The following SEMA3A variants were observed in gnomAD, a reference collection of about 807,000 sequenced individuals.
SEMA3A encodes semaphorin 3A.
In SEMA3A, 29 loss-of-function variants were observed where a neutral mutation model predicts 97.9. The observed-to-expected ratio is 0.30, with a 90% CI of 0.22 to 0.40. SEMA3A has a LOEUF of 0.40. Among genes scored for constraint, SEMA3A ranks in the 10% least tolerant of loss-of-function variants. SEMA3A has a pLI of 1.00. For missense variants in SEMA3A, 763 were observed against 951.3 expected, an observed-to-expected ratio of 0.80 and a Z score of 2.60; for synonymous variants, 321 against 323.7, an observed-to-expected ratio of 0.99 and a Z score of 0.09.
chr7:84,123,980 T>C (rs900578338), intron 3 of SEMA3A, among the ~76,000 whole-genome samples: 1 of 152,066 alleles, frequency 6.6e-6, no homozygotes. Context: ...AGAGTAATGA[T>C]GAGTTATATT....
intron 4 of SEMA3A, among the ~76,000 whole-genome samples, chr7:84,094,593 C>T (rs538544569): frequency 1.3e-5 from 2 of 152,092 alleles, no homozygotes; most frequent in East Asian, 3.9e-4. Context: ...GGAACTGCAG[C>T]TATGGCATTC....
intron 1 of SEMA3A, among the ~76,000 whole-genome samples, chr7:84,425,870 A>ACG (rs752038789): frequency 8.2e-6 from 1 of 122,018 alleles, no homozygotes; most frequent in Non-Finnish European, 1.7e-5. Context: ...ACACACACAC[A>ACG]CACACACCCA....
At chr7:84,437,597 G>A (rs1216808118) in intron 1 of SEMA3A, among the ~76,000 whole-genome samples, 3 of 148,374 alleles carry the variant, frequency 2.0e-5, no homozygotes, top group East Asian at 3.9e-4. Flanking sequence ...AGAGGAAAAA[G>A]CTGCTTTAAA....
At chr7:84,026,007 T>C (rs1203308462) in intron 6 of SEMA3A, among the ~76,000 whole-genome samples, 3 of 152,208 alleles carry the variant, frequency 2.0e-5, no homozygotes, top group Non-Finnish European at 4.4e-5. Flanking sequence ...TAATCATTAA[T>C]CAAGAGAATA....
chr7:84,457,546 G>T (rs1805715117), intron 1 of SEMA3A, among the ~76,000 whole-genome samples: 1 of 151,726 alleles, frequency 6.6e-6, no homozygotes. Context: ...TTGATGTTTT[G>T]GCCCAGTGAA....
chr7:84,196,847 A>T (rs1798243959), upstream of SEMA3A, among the ~76,000 whole-genome samples: 1 of 152,116 alleles, frequency 6.6e-6, no homozygotes. Context: ...TCATTAGTAT[A>T]TATTTTATAT....
At chr7:84,141,145 G>A (rs541929557) in intron 1 of SEMA3A, among the ~76,000 whole-genome samples, 17 of 152,210 alleles carry the variant, frequency 1.1e-4, no homozygotes, top group African/African-American at 3.4e-4. Flanking sequence ...TTGTCATTGC[G>A]TAGATGGGGC....
At chr7:84,256,267 C>G (rs915127286) in intron 3 of SEMA3A, among the ~76,000 whole-genome samples, 5 of 151,980 alleles carry the variant, frequency 3.3e-5, no homozygotes, top group African/African-American at 1.2e-4. Flanking sequence ...TATAGATGTA[C>G]TATATATCCT....
intron 6 of SEMA3A, among the ~76,000 whole-genome samples, chr7:84,029,838 C>CACAT (rs1554397098): frequency 0.03 from 4,521 of 151,026 alleles, 100 homozygotes; most frequent in Admixed American, 0.071. Flanking sequence ...CACACACACA[C>CACAT]ATTTTAGAAA....
intron 3 of SEMA3A, among the ~76,000 whole-genome samples, chr7:84,285,125 T>A (rs142865905): frequency 1.5e-4 from 23 of 152,254 alleles, no homozygotes; most frequent in African/African-American, 3.9e-4. Flanking sequence ...CTTAAACATT[T>A]TTCTCCCATT....
chr7:84,313,355 T>C lies in SEMA3A; in HGVS notation c.-168-6063A>G, dbSNP rs1801402322. ...ATATATATATATGTATATGTGTGTG[T>C]GTATATATATATATATATATATATA... On this transcript the variant is annotated intron_variant, in intron 2 of 3. Coordinates refer to the SEMA3A transcript ENST00000424555. Among the ~76,000 whole-genome samples the C allele has an allele frequency of 2.7e-4, 4 of 14,880 alleles. 1 individual carries two copies. Among genetic ancestry groups the C allele is most frequent in the African/African-American group, 5.6e-4 (4 of 7,152 alleles). 9.8% of individuals were successfully genotyped at this position (14,880 alleles called of 152,430 possible). A position where few individuals can be genotyped will look rare whatever the true frequency, so the allele number is the denominator to read the frequency against.
At chr7:84,429,516 T>TATATATATATATATATATATATA (rs1554385262) in intron 1 of SEMA3A, among the ~76,000 whole-genome samples, 2 of 72,390 alleles carry the variant, frequency 2.8e-5, no homozygotes, top group African/African-American at 1.4e-4. Flanking sequence ...ATAGAGTTTG[T>TATATATATATATATATATATATA]TATATATATA....
At chr7:84,325,641 CAGG>C (rs1397030595) in intron 2 of SEMA3A, among the ~76,000 whole-genome samples, 1 of 151,516 alleles carries the variant, frequency 6.6e-6, no homozygotes, top group Non-Finnish European at 1.5e-5. Flanking sequence ...ATAGGCAGGC[CAGG>C]AGGAACCTTG....
At chr7:84,161,551 T>C (rs922289159) in intron 1 of SEMA3A, among the ~76,000 whole-genome samples, 1 of 152,100 alleles carries the variant, frequency 6.6e-6, no homozygotes, top group Non-Finnish European at 1.5e-5. Flanking sequence ...ATAAAAGTAG[T>C]TGGCAAGCTC....
At position 84,296,554 on chromosome 7, in the gene SEMA3A, C is replaced by G. The variant is rs75287214; in HGVS notation, c.-83+10653G>C. On this transcript the variant is annotated intron_variant, in intron 3 of 3. Coordinates refer to the SEMA3A transcript ENST00000424555. ...GAGTAGTGTTGCTTTACAGGGGCTT[C>G]TTTACCACTTAAAAAAGAAATTTGG... Among the ~76,000 whole-genome samples, 855 of 152,158 alleles carry G rather than the reference C, an allele frequency of 5.6e-3. 36 individuals carry two copies. In the East Asian group the frequency reaches 0.11, roughly 19 times the overall value.
intron 3 of SEMA3A, among the ~76,000 whole-genome samples, chr7:84,241,582 T>C (rs1799365896): frequency 6.6e-6 from 1 of 152,144 alleles, no homozygotes; most frequent in African/African-American, 2.4e-5. Flanking sequence ...GATAGTTTTT[T>C]TGTTTGTGTT....
chr7:84,143,862 T>A (rs1405461285), intron 1 of SEMA3A, among the ~76,000 whole-genome samples: 4 of 150,504 alleles, frequency 2.7e-5, no homozygotes, highest in Non-Finnish European at 5.9e-5. Flanking sequence ...GCCATGGTCA[T>A]CATCATTATT....
chr7:84,110,432 G>T (rs758300440), intron 4 of SEMA3A, 38 bp downstream of exon 4: 2 of 1,610,230 alleles, frequency 1.2e-6, no homozygotes, highest in South Asian at 1.1e-5. Flanking sequence ...ATAGAAAGGG[G>T]TCATGGACAA....
chr7:84,184,154 G>A (rs1406234879), intron 1 of SEMA3A, among the ~76,000 whole-genome samples: 2 of 152,076 alleles, frequency 1.3e-5, no homozygotes, highest in South Asian at 2.1e-4. Context: ...ACATTGATCT[G>A]CCTTGCTAAG....
Sources: allele counts gnomAD v4.1 joint callset (sites outside exome capture counted in the v4.1 genomes callset), GRCh38; gene constraint gnomAD v4.1.1; transcripts MANE v1.5; gene names NCBI Gene and HGNC (gene_info 2026-07-23, HGNC 2026-07-21).